TNFRSF11B: variants seen among roughly 807,000 people sequenced by gnomAD.
TNFRSF11B encodes TNF receptor superfamily member 11b, also known as tumor necrosis factor receptor superfamily member 11B.
Under a neutral mutation model 43.4 loss-of-function variants are expected in TNFRSF11B, and 16 were observed. That is an observed-to-expected ratio of 0.37 (90% CI 0.25 to 0.56). The LOEUF is 0.56. Among genes scored for constraint, TNFRSF11B ranks in the 20% least tolerant of loss-of-function variants. TNFRSF11B has a pLI of 0.80. For synonymous variants in TNFRSF11B, 185 were observed against 181.8 expected (o/e 1.02, Z -0.14); for missense variants, 444 against 490.1 (o/e 0.91, Z 0.89).
Position 118,933,185 on chromosome 8 carries a change from T to A in TNFRSF11B, c.146A>T (p.Tyr49Phe). 6.2e-7 allele frequency: 1 copy of A among 1,614,132 alleles called. No homozygotes were observed. Among genetic ancestry groups the A allele is most frequent in the South Asian group, 1.1e-5 (1 of 91,082 alleles). The change falls in exon 2 of 5, where the codon TAC (tyrosine) becomes TTC (phenylalanine). Residue 49 changes from tyrosine (Y) to phenylalanine (F), a missense_variant. Coordinates refer to ENST00000297350, the MANE Select transcript of TNFRSF11B (RefSeq NM_002546.4). The part of the protein sequence containing the change: ...LLCDKCPPGT[Y>F]LKQHCTAKWK... ...CTTTGCTGTACAGTGTTGTTTTAGGTAGGTACCAGGAGGACATTTGTCACA... is the reference window on the plus strand; with the variant it reads ...CTTTGCTGTACAGTGTTGTTTTAGGAAGGTACCAGGAGGACATTTGTCACA...
intron 1 of TNFRSF11B, 129 bp downstream of exon 1, chr8:118,951,663 T>C: frequency 1.1e-6 from 1 of 926,880 alleles, no homozygotes; most frequent in South Asian, 1.4e-5. Flanking sequence ...TGCTCCAGCC[T>C]AACCCCAAGC....
chr8:118,940,261 A>G (rs866771492), intron 1 of TNFRSF11B, among the ~76,000 whole-genome samples: 15 of 152,300 alleles, frequency 9.8e-5, no homozygotes, highest in South Asian at 2.1e-4. Context: ...GCAAACCAAC[A>G]TGGCGCATGT....
chr8:118,923,665 T>C lies in TNFRSF11B; in HGVS notation c.*709A>G, dbSNP rs1205465644. The stretch of plus-strand genomic sequence containing the variant: ...CTCAGAGCATCTAATATTCAGATAA[T>C]TTATATTTCATATGTTTTCCAACAT... On this transcript the variant is annotated 3_prime_UTR_variant, in exon 5 of 5. Transcript: ENST00000297350. 6.6e-6 allele frequency: 1 copy of C among 152,640 alleles called. No individual in the cohort carries two copies. Among genetic ancestry groups the C allele is most frequent in the Non-Finnish European group, 1.5e-5 (1 of 68,034 alleles). 9.5% of individuals were successfully genotyped at this position (152,640 alleles called of 1,614,324 possible). A position where few individuals can be genotyped will look rare whatever the true frequency, so the allele number is the denominator to read the frequency against.
rs150064547 is a variant in TNFRSF11B, at chr8:118,935,534, T to C, written c.31-2234A>G. 5.1e-3 allele frequency among the ~76,000 whole-genome samples: 764 copies of C among 149,882 alleles called. 2 individuals carry two copies. Among genetic ancestry groups the C allele is most frequent in the African/African-American group, 0.017 (713 of 41,126 alleles). ...ATGACATGTCTGACTTTGTTGCTAG[T>C]TTGTCATTTGAATATATAATGGGAC... On this transcript the variant is annotated intron_variant, in intron 1 of 4. Transcript: ENST00000297350.
intron 3 of TNFRSF11B, among the ~76,000 whole-genome samples, chr8:118,927,699 TA>T (rs1812262856): frequency 6.6e-6 from 1 of 152,128 alleles, no homozygotes; most frequent in African/African-American, 2.4e-5. Flanking sequence ...TTCTTTGTAG[TA>T]CGAAAAACTG....
At chr8:118,932,611 A>T (rs1217823262) in intron 2 of TNFRSF11B, among the ~76,000 whole-genome samples, 2 of 151,982 alleles carry the variant, frequency 1.3e-5, no homozygotes, top group East Asian at 1.9e-4. Context: ...CTGAAGTGAA[A>T]TATAGAGGTA....
At position 118,924,091 on chromosome 8, in the gene TNFRSF11B, G is replaced by T. The variant is rs1812217097; in HGVS notation, c.*283C>A. On this transcript the variant is annotated 3_prime_UTR_variant, in exon 5 of 5. Transcript: ENST00000297350. ...ATTTAGTAAGGCACAATGGAGTCTA[G>T]TTTTTTTTTTTTAATTTCCAGTTGA... 1.1e-5 allele frequency: 3 copies of T among 278,834 alleles called. No individual in the cohort carries two copies. 17.3% of individuals were successfully genotyped at this position (278,834 alleles called of 1,614,324 possible). A position where few individuals can be genotyped will look rare whatever the true frequency, so the allele number is the denominator to read the frequency against.
chr8:118,942,074 A>G (rs1017007437), intron 1 of TNFRSF11B, among the ~76,000 whole-genome samples: 8 of 152,222 alleles, frequency 5.3e-5, no homozygotes, highest in Middle Eastern at 3.4e-3. Flanking sequence ...TTGAACATCA[A>G]TTTTTGAATT....
At chr8:118,942,579 ATAGCT>A (rs1488019721) in intron 1 of TNFRSF11B, among the ~76,000 whole-genome samples, 2 of 152,170 alleles carry the variant, frequency 1.3e-5, no homozygotes, top group Non-Finnish European at 2.9e-5. Flanking sequence ...GCAAAAAATA[ATAGCT>A]TAGTATACTC....
intron 1 of TNFRSF11B, among the ~76,000 whole-genome samples, chr8:118,936,482 G>A (rs1436609063): frequency 1.3e-5 from 2 of 152,042 alleles, no homozygotes; most frequent in Non-Finnish European, 2.9e-5. Context: ...CAGAGGATGG[G>A]CAAGATTAAT....
rs4876869 is a variant in TNFRSF11B, at chr8:118,929,038, A to G, written c.401-109T>C. The G allele has an allele frequency of 0.42, 390,309 of 933,470 alleles. 87,017 individuals are homozygous for G. The highest frequency in any genetic ancestry group is 0.47 in the Admixed American group (24,298 of 51,194). The allele number at this position is 933,470 out of a possible 1,614,324, so 57.8% of individuals were successfully genotyped here. The stretch of plus-strand genomic sequence containing the variant: ...TTTTCACTTGGTTTTTACTGCTACT[A>G]TTATGTTGCACAAAACTCTAGCATT... On this transcript the variant is annotated intron_variant, in intron 2 of 4. Coordinates refer to ENST00000297350, the MANE Select transcript of TNFRSF11B (RefSeq NM_002546.4).
intron 1 of TNFRSF11B, among the ~76,000 whole-genome samples, chr8:118,949,465 C>T (rs567915034): frequency 2.0e-3 from 300 of 152,216 alleles, no homozygotes; most frequent in Non-Finnish European, 3.6e-3. Context: ...ATGTGGGCAT[C>T]TTGGATATAT....
chr8:118,926,652 A>G lies in TNFRSF11B; in HGVS notation c.659T>C (p.Leu220Pro), dbSNP rs1812249845. The G allele has an allele frequency of 6.2e-7, 1 of 1,613,974 alleles. No homozygotes were observed. Among genetic ancestry groups the G allele is most frequent in the Non-Finnish European group, 8.5e-7 (1 of 1,180,000 alleles). The part of the protein sequence containing the change: ...AVPTKFTPNW[L>P]SVLVDNLPGT... ...AGGCAAATTGTCTACCAAGACACTA[A>G]GCCAGTTAGGCGTAAACTTTGTAGG... The change falls in exon 4 of 5, where the codon CTT becomes CCT. Residue 220 changes from leucine to proline, a missense_variant. Leu to Pro is a moderately conservative substitution (Grantham distance 98). Coordinates refer to ENST00000297350, the MANE Select transcript of TNFRSF11B (RefSeq NM_002546.4).
chr8:118,928,680 T>A lies in TNFRSF11B; in HGVS notation c.592+58A>T, dbSNP rs1812280332. On this transcript the variant is annotated intron_variant, in intron 3 of 4. Coordinates refer to ENST00000297350, the MANE Select transcript of TNFRSF11B (RefSeq NM_002546.4). ...TGTGGCTGGAGGCCTTGTGTTCAACTCAGAGAGAGAGATGATACTACAAAA... is the reference window on the plus strand; with the variant it reads ...TGTGGCTGGAGGCCTTGTGTTCAACACAGAGAGAGAGATGATACTACAAAA... 2.6e-6 allele frequency: 4 copies of A among 1,515,380 alleles called. No homozygotes were observed. In the Admixed American group the frequency reaches 6.8e-5, roughly 26 times the overall value. 93.9% of individuals were successfully genotyped at this position (1,515,380 alleles called of 1,614,324 possible). A position where few individuals can be genotyped will look rare whatever the true frequency, so the allele number is the denominator to read the frequency against.
chr8:118,946,181 GAAA>G (rs1179436531), intron 1 of TNFRSF11B, among the ~76,000 whole-genome samples: 3 of 151,992 alleles, frequency 2.0e-5, no homozygotes, highest in Non-Finnish European at 4.4e-5. Flanking sequence ...AAATTGGGGT[GAAA>G]AAAACTACTC....
chr8:118,944,383 T>A (rs2129918867), intron 1 of TNFRSF11B, among the ~76,000 whole-genome samples: 1 of 152,246 alleles, frequency 6.6e-6, no homozygotes, highest in Non-Finnish European at 1.5e-5. Context: ...TTAAGTGCTC[T>A]AATTTGTAAG....
chr8:118,944,851 A>C (rs143325164), intron 1 of TNFRSF11B, among the ~76,000 whole-genome samples: 4 of 152,120 alleles, frequency 2.6e-5, no homozygotes, highest in Non-Finnish European at 5.9e-5. Context: ...CACTCAATGC[A>C]TCTAAGGAGA....
Position 118,933,310 on chromosome 8 carries a change from G to T in TNFRSF11B, c.31-10C>A. 6.2e-7 allele frequency: 1 copy of T among 1,612,834 alleles called. No homozygotes were observed. The highest frequency in any genetic ancestry group is 1.3e-5 in the African/African-American group (1 of 75,050). ...TGGAGATGTCCAGAAACTAGAAGGA[G>T]AAAGGAACACAGTGGCATCATCTTA... On this transcript the variant is annotated splice_polypyrimidine_tract_variant and intron_variant, in intron 1 of 4. Coordinates refer to ENST00000297350, the MANE Select transcript of TNFRSF11B (RefSeq NM_002546.4).
chr8:118,935,253 A>G (rs1314184146), intron 1 of TNFRSF11B, among the ~76,000 whole-genome samples: 1 of 152,170 alleles, frequency 6.6e-6, no homozygotes, highest in African/African-American at 2.4e-5. Flanking sequence ...GAAATGGACC[A>G]GTAGTGAGTG....
Sources: gnomAD v4.1 joint callset for allele counts (sites outside exome capture counted in the v4.1 genomes callset) on GRCh38, gnomAD v4.1.1 for gene constraint, MANE v1.5 for transcripts, NCBI Gene and HGNC (gene_info 2026-07-23, HGNC 2026-07-21) for gene names.